ZC3H8: variants seen among roughly 807,000 people sequenced by gnomAD.
ZC3H8 encodes zinc finger CCCH-type containing 8, also known as zinc finger CCCH domain-containing protein 8.
Under a neutral mutation model 42.5 loss-of-function variants are expected in ZC3H8, and 27 were observed. The observed-to-expected ratio is 0.64, with a 90% confidence interval of 0.47 to 0.88. The LOEUF is 0.88. Ranked by LOEUF, ZC3H8 falls within the 40% of genes least tolerant of loss-of-function variation. ZC3H8 has a pLI of 0.00. For synonymous variants in ZC3H8, 101 were observed against 110.1 expected, an observed-to-expected ratio of 0.92 and a Z score of 0.52; for missense variants, 277 against 336.1, an observed-to-expected ratio of 0.82 and a Z score of 1.37.
At chr2:112,238,678 A>T in intron 2 of ZC3H8, 150 bp from the exon 3 acceptor site, 1 of 498,606 alleles carries the variant, frequency 2.0e-6, no homozygotes, top group Non-Finnish European at 3.3e-6. Context: ...CTCCACTCAT[A>T]TATTTGAAAA....
chr2:112,220,541 G>C (rs775322567), intron 8 of ZC3H8, among the ~76,000 whole-genome samples: 2 of 152,278 alleles, frequency 1.3e-5, no homozygotes, highest in Admixed American at 6.5e-5. Context: ...CCTTTGTAGG[G>C]CTGGGCGCGG....
intron 2 of ZC3H8, among the ~76,000 whole-genome samples, chr2:112,241,284 A>T (rs1685574512): frequency 6.6e-6 from 1 of 152,174 alleles, no homozygotes; most frequent in Non-Finnish European, 1.5e-5. Flanking sequence ...AAGAAATGGA[A>T]TAGAATGTCT....
At chr2:112,247,377 C>T (rs2104668976) in intron 2 of ZC3H8, among the ~76,000 whole-genome samples, 1 of 152,200 alleles carries the variant, frequency 6.6e-6, no homozygotes, top group East Asian at 1.9e-4. Context: ...GAGTTCGAGA[C>T]CAGCCTGGCC....
intron 8 of ZC3H8, among the ~76,000 whole-genome samples, chr2:112,230,225 G>T (rs1224588270): frequency 6.6e-6 from 1 of 152,114 alleles, no homozygotes; most frequent in Non-Finnish European, 1.5e-5. Context: ...ACAATATAAA[G>T]TACTGGCAAG....
chr2:112,247,973 A>G (rs928946982), intron 2 of ZC3H8, among the ~76,000 whole-genome samples: 1 of 152,244 alleles, frequency 6.6e-6, no homozygotes, highest in Admixed American at 6.5e-5. Flanking sequence ...GGTAGCTGAG[A>G]GGCTTCCAAG....
intron 8 of ZC3H8, among the ~76,000 whole-genome samples, chr2:112,226,353 C>G (rs1208256650): frequency 6.6e-6 from 1 of 151,842 alleles, no homozygotes; most frequent in Non-Finnish European, 1.5e-5. Flanking sequence ...CTTTGGGAGG[C>G]TGAGGCGGGC....
chr2:112,235,070 C>A (rs748009313), intron 4 of ZC3H8, among the ~76,000 whole-genome samples: 63 of 151,974 alleles, frequency 4.1e-4, no homozygotes, highest in Admixed American at 5.9e-4. Flanking sequence ...GGAAGAAAAT[C>A]TTATAATACA....
chr2:112,225,041 C>T (rs2104646663), intron 8 of ZC3H8, among the ~76,000 whole-genome samples: 1 of 152,194 alleles, frequency 6.6e-6, no homozygotes, highest in East Asian at 1.9e-4. Context: ...CTGTTTGATG[C>T]TACTGAATGA....
At chr2:112,244,669 T>G (rs1224952170) in intron 2 of ZC3H8, among the ~76,000 whole-genome samples, 1 of 152,224 alleles carries the variant, frequency 6.6e-6, no homozygotes, top group Non-Finnish European at 1.5e-5. Flanking sequence ...GTGTCACATT[T>G]TGGTAATTCT....
chr2:112,247,401 C>T (rs564039064), intron 2 of ZC3H8, among the ~76,000 whole-genome samples: 13 of 152,178 alleles, frequency 8.5e-5, no homozygotes, highest in Admixed American at 7.9e-4. Flanking sequence ...ATGGCAAAAA[C>T]CCATCTCTAC....
intron 8 of ZC3H8, among the ~76,000 whole-genome samples, chr2:112,227,030 A>C (rs969323834): frequency 6.6e-6 from 1 of 152,220 alleles, no homozygotes; most frequent in Non-Finnish European, 1.5e-5. Flanking sequence ...AAAAACTAGA[A>C]ATAGGAGAGA....
intron 8 of ZC3H8, among the ~76,000 whole-genome samples, chr2:112,225,344 A>G (rs1335230383): frequency 2.0e-5 from 3 of 152,190 alleles, no homozygotes; most frequent in Non-Finnish European, 2.9e-5. Context: ...CAGGTGTGGT[A>G]GCACACACCT....
rs917132058 is a variant in ZC3H8 at position 112,216,085 on chromosome 2, C to T, written c.*399G>A. On this transcript the variant is annotated 3_prime_UTR_variant, in exon 9 of 9. Transcript: ENST00000409573. ...TTATGGTCCATCTACCAATGTCTTC[C>T]GAGCAGTTCTCTCTCCTCAAACCTC... 6.6e-6 allele frequency: 1 copy of T among 152,156 alleles called. No homozygotes were observed. The highest frequency in any genetic ancestry group is 6.5e-5 in the Admixed American group (1 of 15,282). 9.4% of individuals were successfully genotyped at this position (152,156 alleles called of 1,614,324 possible).
intron 7 of ZC3H8, among the ~76,000 whole-genome samples, chr2:112,231,407 C>T (rs558500122): frequency 6.6e-6 from 1 of 152,272 alleles, no homozygotes; most frequent in East Asian, 1.9e-4. Flanking sequence ...ATAACCTTTT[C>T]TCACAGACTG....
At chr2:112,226,755 C>G (rs1684861016) in intron 8 of ZC3H8, among the ~76,000 whole-genome samples, 1 of 151,902 alleles carries the variant, frequency 6.6e-6, no homozygotes, top group Non-Finnish European at 1.5e-5. Flanking sequence ...AAAAAGACAT[C>G]ACAAGAAAAG....
intron 1 of ZC3H8, among the ~76,000 whole-genome samples, chr2:112,253,574 G>A (rs889125745): frequency 6.6e-6 from 1 of 152,124 alleles, no homozygotes; most frequent in Non-Finnish European, 1.5e-5. Context: ...ATGTGAAAAA[G>A]ACCAAAAAGG....
In ZC3H8 at chr2:112,215,283, C is replaced by T. The variant is rs576742478; in HGVS notation, c.*1201G>A. On this transcript the variant is annotated 3_prime_UTR_variant, in exon 9 of 9. Transcript: ENST00000409573. ...AATAAGAAGTGCCTTGCCCACCTCCCGAGCCACAGCTGAGAAGCGAACCAA... is the reference window on the plus strand; with the variant it reads ...AATAAGAAGTGCCTTGCCCACCTCCTGAGCCACAGCTGAGAAGCGAACCAA... The T allele has an allele frequency of 9.2e-5, 14 of 152,232 alleles. No homozygotes were observed. The highest frequency in any genetic ancestry group is 2.9e-4 in the African/African-American group (12 of 41,532). 9.4% of individuals were successfully genotyped at this position (152,232 alleles called of 1,614,324 possible).
chr2:112,219,541 C>A (rs1350754195), intron 8 of ZC3H8, among the ~76,000 whole-genome samples: 3 of 152,198 alleles, frequency 2.0e-5, no homozygotes, highest in Admixed American at 2.0e-4. Flanking sequence ...ACCCAGAAGT[C>A]ATTCAGGACC....
intron 8 of ZC3H8, among the ~76,000 whole-genome samples, chr2:112,222,293 C>T (rs944138932): frequency 5.9e-5 from 9 of 152,082 alleles, no homozygotes; most frequent in African/African-American, 7.2e-5. Flanking sequence ...TGAGTAAACA[C>T]GGGGTTGCAC....
Sources: gnomAD v4.1 joint callset for allele counts (sites outside exome capture counted in the v4.1 genomes callset) on GRCh38, gnomAD v4.1.1 for gene constraint, MANE v1.5 for transcripts, NCBI Gene and HGNC (gene_info 2026-07-23, HGNC 2026-07-21) for gene names.